LUZP2: variants seen among roughly 807,000 people sequenced by gnomAD.
LUZP2 encodes the protein leucine zipper protein 2.
A neutral mutation model predicts 51.6 loss-of-function variants in LUZP2; 52 were observed. The observed-to-expected ratio is 1.01, with a 90% CI of 0.81 to 1.27. The LOEUF (loss-of-function observed/expected upper bound fraction) is 1.27, where lower values mean the gene tolerates loss of function less well. Ranked by LOEUF, LUZP2 falls within the 50% of genes most tolerant of loss-of-function variation. The pLI is 0.00. For synonymous variants in LUZP2, 154 were observed against 137.3 expected, an observed-to-expected ratio of 1.12 and a Z score of -0.85; for missense variants, 436 against 395.4, an observed-to-expected ratio of 1.10 and a Z score of -0.87.
At chr11:24,640,110 A>G (rs1023240244) in intron 1 of LUZP2, among the ~76,000 whole-genome samples, 3 of 151,908 alleles carry the variant, frequency 2.0e-5, no homozygotes, top group African/African-American at 7.3e-5. Context: ...TCTGTATTTC[A>G]AAGAGATGAT....
At chr11:24,550,634 G>A (rs1376900137) in intron 1 of LUZP2, among the ~76,000 whole-genome samples, 1 of 152,062 alleles carries the variant, frequency 6.6e-6, no homozygotes, top group Non-Finnish European at 1.5e-5. Context: ...CACTGTAGAT[G>A]TCCTTCCTCA....
At chr11:24,736,164 T>A (rs1858928121) in intron 3 of LUZP2, among the ~76,000 whole-genome samples, 1 of 151,942 alleles carries the variant, frequency 6.6e-6, no homozygotes. Flanking sequence ...GGGGGATTTT[T>A]TTGGAAGAAA....
At chr11:24,676,607 C>T (rs564405697) in intron 1 of LUZP2, among the ~76,000 whole-genome samples, 100 of 152,034 alleles carry the variant, frequency 6.6e-4, no homozygotes, top group Middle Eastern at 3.4e-3. Flanking sequence ...TAGTGGTATG[C>T]GAGATACTAA....
chr11:25,025,673 G>C (rs1857469023), intron 9 of LUZP2, among the ~76,000 whole-genome samples: 1 of 152,142 alleles, frequency 6.6e-6, no homozygotes, highest in African/African-American at 2.4e-5. Flanking sequence ...GGAGAACTAG[G>C]AACACTTTTA....
At chr11:24,752,433 A>G (rs1382481884) in intron 4 of LUZP2, among the ~76,000 whole-genome samples, 1 of 152,166 alleles carries the variant, frequency 6.6e-6, no homozygotes, top group East Asian at 1.9e-4. Context: ...CATTTTGAAA[A>G]TCCTTTTGGA....
chr11:25,059,333 T>C (rs1858770128), intron 10 of LUZP2, among the ~76,000 whole-genome samples: 1 of 152,168 alleles, frequency 6.6e-6, no homozygotes. Flanking sequence ...CTTTAATTCT[T>C]GAAGTTTTAT....
At chr11:24,766,622 T>C (rs1860200046) in intron 5 of LUZP2, among the ~76,000 whole-genome samples, 1 of 152,192 alleles carries the variant, frequency 6.6e-6, no homozygotes, top group African/African-American at 2.4e-5. Context: ...TTAATTTTGA[T>C]GATAGTGTGC....
At chr11:24,568,362 A>AAC in intron 1 of LUZP2, among the ~76,000 whole-genome samples, 1 of 148,898 alleles carries the variant, frequency 6.7e-6, no homozygotes, top group South Asian at 2.1e-4. Flanking sequence ...TCAGAAAAAA[A>AAC]AAAAAAAAAA....
At chr11:24,980,297 A>G (rs558619700) in intron 8 of LUZP2, among the ~76,000 whole-genome samples, 1 of 151,848 alleles carries the variant, frequency 6.6e-6, no homozygotes, top group East Asian at 1.9e-4. Flanking sequence ...TTTTTCTGAG[A>G]AAAGTACTAA....
At chr11:24,654,772 G>T (rs1288556070) in intron 1 of LUZP2, among the ~76,000 whole-genome samples, 1 of 151,538 alleles carries the variant, frequency 6.6e-6, no homozygotes, top group Non-Finnish European at 1.5e-5. Flanking sequence ...TGATCCACCC[G>T]CTTCGGCCTC....
At chr11:24,583,464 A>G (rs1852946024) in intron 1 of LUZP2, among the ~76,000 whole-genome samples, 1 of 151,918 alleles carries the variant, frequency 6.6e-6, no homozygotes, top group Non-Finnish European at 1.5e-5. Context: ...GGGTTGTGTG[A>G]GGAAACTATC....
At chr11:24,716,972 A>T (rs11028120) in intron 1 of LUZP2, among the ~76,000 whole-genome samples, 4,283 of 152,244 alleles carry the variant, frequency 0.028, 185 homozygotes, top group African/African-American at 0.097. Flanking sequence ...AAACTCATTA[A>T]TCTATAAAGG....
At chr11:24,678,896 A>G (rs560980466) in intron 1 of LUZP2, among the ~76,000 whole-genome samples, 1 of 152,374 alleles carries the variant, frequency 6.6e-6, no homozygotes, top group African/African-American at 2.4e-5. Context: ...TCTGCAAAAT[A>G]AGATATAGTG....
intron 1 of LUZP2, among the ~76,000 whole-genome samples, chr11:24,642,578 A>C (rs1855326521): frequency 1.3e-5 from 2 of 151,914 alleles, no homozygotes. Flanking sequence ...GTGAAAGCAT[A>C]ATATACACAG....
intron 1 of LUZP2, among the ~76,000 whole-genome samples, chr11:24,691,053 C>T (rs1857048748): frequency 6.6e-6 from 1 of 151,860 alleles, no homozygotes; most frequent in South Asian, 2.1e-4. Context: ...TAAATTGTGT[C>T]AATGGGAATG....
intron 5 of LUZP2, among the ~76,000 whole-genome samples, chr11:24,854,897 C>A (rs996876133): frequency 6.6e-6 from 1 of 152,150 alleles, no homozygotes; most frequent in Non-Finnish European, 1.5e-5. Context: ...TTTCTCGACC[C>A]CTTTCACTTC....
chr11:24,723,741 G>C (rs1038119478), intron 1 of LUZP2, among the ~76,000 whole-genome samples: 1 of 152,072 alleles, frequency 6.6e-6, no homozygotes. Context: ...TGAGGTGGGA[G>C]GATGGCTTGT....
At chr11:24,964,891 G>C (rs1042931000) in intron 7 of LUZP2, among the ~76,000 whole-genome samples, 2 of 151,826 alleles carry the variant, frequency 1.3e-5, no homozygotes, top group Non-Finnish European at 1.5e-5. Context: ...AAAAGGAAAT[G>C]CCTGATATTC....
Position 24,636,616 on chromosome 11 carries a change from C to T in LUZP2, c.63-92553C>T, listed in dbSNP as rs532373555. 7.2e-5 allele frequency among the ~76,000 whole-genome samples: 11 copies of T among 152,234 alleles called. No individual in the cohort carries two copies. In the South Asian group the frequency reaches 2.3e-3, roughly 32 times the overall value. On this transcript the variant is annotated intron_variant, in intron 1 of 11. Transcript: ENST00000336930. ...CTTAGTTGATTTACACACGTAAATG[C>T]ATATCATATTTTCTACATTGGCACA...
Sources: gnomAD v4.1 joint callset for allele counts (sites outside exome capture counted in the v4.1 genomes callset) on GRCh38, gnomAD v4.1.1 for gene constraint, MANE v1.5 for transcripts, NCBI Gene and HGNC (gene_info 2026-07-23, HGNC 2026-07-21) for gene names.